CEP350: variants seen among roughly 807,000 people sequenced by gnomAD.
The protein encoded by CEP350 is centrosome-associated protein 350.
A neutral mutation model predicts 331.8 loss-of-function variants in CEP350; 126 were observed. That is an observed-to-expected ratio of 0.38 (90% CI 0.33 to 0.44). CEP350 has a LOEUF of 0.44. Among genes scored for constraint, CEP350 ranks in the 20% least tolerant of loss-of-function variants. CEP350 has a pLI of 1.00. For synonymous variants in CEP350, 1,200 were observed against 1,259.5 expected (o/e 0.95, Z 1.00); for missense variants, 3,406 against 3,634.6 (o/e 0.94, Z 1.62).
Position 180,093,207 on chromosome 1 carries a change from T to G in CEP350, c.7102T>G (p.Phe2368Val). Reference sequence around the variant, plus strand: ...AGATTTGTCTTGGTCAGAACATCTTTTTGCTCCTAAAGAGATACCATACTC... The same window carrying G: ...AGATTTGTCTTGGTCAGAACATCTTGTTGCTCCTAAAGAGATACCATACTC... ...EKDLSWSEHLFAPKEIPYSED... is the reference protein window; with the variant it reads ...EKDLSWSEHLVAPKEIPYSED... Residue 2368 changes from phenylalanine to valine, a missense_variant, in exon 34 of 38, where the codon TTT (phenylalanine) becomes GTT (valine). Physicochemically the swap from Phe to Val is conservative, Grantham distance 50. Around this residue, in one of 5 missense-constraint regions of CEP350, gnomAD observed 1,415 missense variants for 1,512.3 expected, o/e 0.94. Transcript: ENST00000367607. 6.2e-7 allele frequency: 1 copy of G among 1,601,100 alleles called. No homozygotes were observed. The highest frequency in any genetic ancestry group is 8.5e-7 in the Non-Finnish European group (1 of 1,172,918).
At chr1:179,980,424 G>A (rs1220089168) in intron 1 of CEP350, among the ~76,000 whole-genome samples, 2 of 151,552 alleles carry the variant, frequency 1.3e-5, no homozygotes, top group Non-Finnish European at 2.9e-5. Flanking sequence ...TCATTTATTA[G>A]TTCTAATTTT....
chr1:179,974,390 T>C (rs543789283), intron 1 of CEP350, among the ~76,000 whole-genome samples: 58 of 152,304 alleles, frequency 3.8e-4, no homozygotes, highest in Middle Eastern at 3.4e-3. Context: ...TATTTTTTTC[T>C]GTTTAAATGG....
chr1:180,019,855 C>T (rs781103713), intron 11 of CEP350, 94 bp from the exon 12 acceptor site: 86 of 1,008,116 alleles, frequency 8.5e-5, no homozygotes, highest in Non-Finnish European at 1.1e-4. Flanking sequence ...TTTTTTGTTG[C>T]AGTGCATCCT....
intron 1 of CEP350, among the ~76,000 whole-genome samples, chr1:179,973,983 CCTT>C (rs1288468371): frequency 2.6e-5 from 4 of 151,910 alleles, no homozygotes; most frequent in East Asian, 3.8e-4. Flanking sequence ...CATCATACCT[CCTT>C]CTTCACCATT....
At chr1:180,029,002 A>T (rs1176093436) in intron 14 of CEP350, among the ~76,000 whole-genome samples, 1 of 152,178 alleles carries the variant, frequency 6.6e-6, no homozygotes, top group African/African-American at 2.4e-5. Context: ...TCTTAAACTT[A>T]GTTTCTCCTT....
chr1:179,992,617 G>A (rs575062507), intron 5 of CEP350, among the ~76,000 whole-genome samples: 4 of 150,984 alleles, frequency 2.6e-5, no homozygotes, highest in African/African-American at 9.7e-5. Context: ...TTTTTTTTGG[G>A]TAGCATTAAT....
intron 30 of CEP350, among the ~76,000 whole-genome samples, chr1:180,082,512 G>T (rs1355890793): frequency 6.6e-6 from 1 of 152,070 alleles, no homozygotes; most frequent in Non-Finnish European, 1.5e-5. Context: ...ATGGGGTTTT[G>T]CCATGCTGCC....
At chr1:180,002,997 G>C in intron 6 of CEP350, among the ~76,000 whole-genome samples, 177 bp from the exon 7 acceptor site, 1 of 152,040 alleles carries the variant, frequency 6.6e-6, no homozygotes, top group Non-Finnish European at 1.5e-5. Context: ...TAAATGCTCT[G>C]GAATTAGATA....
intron 37 of CEP350, among the ~76,000 whole-genome samples, chr1:180,107,453 G>A (rs1661205918): frequency 6.6e-6 from 1 of 152,208 alleles, no homozygotes; most frequent in African/African-American, 2.4e-5. Context: ...TGGATCACCT[G>A]AGGTCAGGAG....
intron 11 of CEP350, among the ~76,000 whole-genome samples, chr1:180,016,664 T>TTG (rs1553255489): frequency 5.3e-5 from 8 of 149,804 alleles, no homozygotes; most frequent in South Asian, 4.3e-4. Flanking sequence ...GGTTATGTTT[T>TTG]TTTTTTTTTT....
intron 30 of CEP350, among the ~76,000 whole-genome samples, chr1:180,082,404 G>A (rs1183212167): frequency 6.6e-6 from 1 of 152,108 alleles, no homozygotes; most frequent in East Asian, 1.9e-4. Flanking sequence ...TAATCAGTGT[G>A]TGTCAAATAA....
rs777159187 is a variant in CEP350 at position 179,997,152 on chromosome 1, C to T, written c.995C>T (p.Ala332Val). The change falls in exon 6 of 38, where the codon GCA (alanine) becomes GTA (valine). Residue 332 changes from alanine to valine, a missense_variant. Around this residue, in one of 5 missense-constraint regions of CEP350, gnomAD observed 1,857 missense variants for 1,909.2 expected, o/e 0.97. Transcript: ENST00000367607. ...VTAKVRKVAT[A>V]PPAPAYKGFN... The stretch of plus-strand genomic sequence containing the variant: ...GCAAAAGTCAGAAAAGTGGCAACAG[C>T]ACCACCTGCTCCAGCATATAAAGGT... The T allele has an allele frequency of 5.6e-6, 9 of 1,613,324 alleles. No homozygotes were observed. Among genetic ancestry groups the T allele is most frequent in the Non-Finnish European group, 6.8e-6 (8 of 1,179,572 alleles).
In CEP350 at chr1:179,955,136, C is replaced by T; in HGVS notation, c.-20C>T. The T allele has an allele frequency of 1.4e-5, 20 of 1,464,094 alleles. No homozygotes were observed. Among genetic ancestry groups the T allele is most frequent in the Non-Finnish European group, 1.8e-5 (20 of 1,108,118 alleles). 90.7% of individuals were successfully genotyped at this position (1,464,094 alleles called of 1,614,324 possible). A position where few individuals can be genotyped will look rare whatever the true frequency, so the allele number is the denominator to read the frequency against. ...GTGGTAGCCGAGGGCGGAGGCGACACTCTCAGGTGAGCTCCTGTAGGACCT... is the reference window on the plus strand; with the variant it reads ...GTGGTAGCCGAGGGCGGAGGCGACATTCTCAGGTGAGCTCCTGTAGGACCT... On this transcript the variant is annotated 5_prime_UTR_variant, in exon 1 of 38. Coordinates refer to ENST00000367607, the MANE Select transcript of CEP350 (RefSeq NM_014810.5).
chr1:180,092,509 AG>A, intron 33 of CEP350, 104 bp from the exon 34 acceptor site: 1 of 674,010 alleles, frequency 1.5e-6, no homozygotes, highest in East Asian at 2.8e-5. Context: ...TATTGACTAG[AG>A]GGGTTTTTTT....
At chr1:180,055,532 A>G (rs1221264533) in intron 25 of CEP350, among the ~76,000 whole-genome samples, 1 of 146,080 alleles carries the variant, frequency 6.8e-6, no homozygotes, top group African/African-American at 2.5e-5. Context: ...ATTTGAATAA[A>G]TTCTGAATTC....
Position 180,012,048 on chromosome 1 carries a change from G to A in CEP350, c.1366G>A (p.Gly456Ser). ...KEQRTASSDR[G>S]GRERTAKSGG... ...GCAAAGAACAGCATCAAGTGACAGAGGTGGAAGAGAAAGAACTGCTAAATC... is the reference window on the plus strand; with the variant it reads ...GCAAAGAACAGCATCAAGTGACAGAAGTGGAAGAGAAAGAACTGCTAAATC... The change falls in exon 9 of 38, where the codon GGT (glycine) becomes AGT (serine). Residue 456 changes from glycine to serine, a missense_variant. Gly to Ser is a moderately conservative substitution (Grantham distance 56). Coordinates refer to ENST00000367607, the MANE Select transcript of CEP350 (RefSeq NM_014810.5). 6.4e-7 allele frequency: 1 copy of A among 1,566,428 alleles called. No individual in the cohort carries two copies. Among genetic ancestry groups the A allele is most frequent in the South Asian group, 1.2e-5 (1 of 84,338 alleles).
intron 37 of CEP350, among the ~76,000 whole-genome samples, chr1:180,102,576 C>A (rs1392417383): frequency 6.6e-6 from 1 of 152,062 alleles, no homozygotes; most frequent in South Asian, 2.1e-4. Context: ...TTTTCTAAGT[C>A]TTTTACATGT....
At chr1:180,081,531 A>G (rs147334259) in intron 30 of CEP350, among the ~76,000 whole-genome samples, 3 of 152,338 alleles carry the variant, frequency 2.0e-5, no homozygotes, top group African/African-American at 7.2e-5. Flanking sequence ...GCATCACTTA[A>G]CGTCCAGGAT....
chr1:180,036,983 A>G lies in CEP350; in HGVS notation c.4004A>G (p.Tyr1335Cys). 1 of 1,596,434 alleles carries G rather than the reference A, an allele frequency of 6.3e-7. No individual in the cohort carries two copies. Among genetic ancestry groups the G allele is most frequent in the Non-Finnish European group, 8.5e-7 (1 of 1,171,330 alleles). Residue 1335 changes from tyrosine to cysteine, a missense_variant, in exon 17 of 38, where the codon TAT becomes TGT. By Grantham distance (194) the Tyr-to-Cys change is radical. Coordinates refer to ENST00000367607, the MANE Select transcript of CEP350 (RefSeq NM_014810.5). ...LHHRMAAELS[Y>C]LNAIEESVRQ... The stretch of plus-strand genomic sequence containing the variant: ...CATCGTATGGCAGCAGAACTCAGTT[A>G]TCTGAACGCCATTGAGGAGTCGGTG...
Sources: allele counts gnomAD v4.1 joint callset (sites outside exome capture counted in the v4.1 genomes callset), GRCh38; gene constraint gnomAD v4.1.1; regional missense constraint gnomAD v4.1.1; transcripts MANE v1.5; gene names NCBI Gene and HGNC (gene_info 2026-07-23, HGNC 2026-07-21).